TKT: variants seen among roughly 807,000 people sequenced by gnomAD.
The protein encoded by TKT is epididymis luminal protein 107.
TKT carries 47 observed loss-of-function variants against 63.9 expected under a neutral mutation model. The observed-to-expected ratio is 0.74, with a 90% CI of 0.58 to 0.94. The LOEUF (loss-of-function observed/expected upper bound fraction) is 0.94, where lower values mean the gene tolerates loss of function less well. Among genes scored for constraint, TKT ranks in the 40% least tolerant of loss-of-function variants. The pLI, the probability that TKT is intolerant of heterozygous loss-of-function variation, is 0.00. For synonymous variants in TKT, 338 were observed against 334.1 expected, an observed-to-expected ratio of 1.01 and a Z score of -0.13; for missense variants, 721 against 846.2, an observed-to-expected ratio of 0.85 and a Z score of 1.84.
At chr3:53,241,024 C>T (rs1705247208) in intron 3 of TKT, 108 bp downstream of exon 3, 1 of 929,346 alleles carries the variant, frequency 1.1e-6, no homozygotes, top group Non-Finnish European at 1.6e-6. Flanking sequence ...CCTCCTCCGC[C>T]TTTCAACACC....
chr3:53,248,748 A>C (rs933972381), intron 1 of TKT, among the ~76,000 whole-genome samples: 3 of 152,176 alleles, frequency 2.0e-5, no homozygotes, highest in Admixed American at 6.5e-5. Context: ...CATTTATATG[A>C]AATGTCTAGA....
intron 1 of TKT, among the ~76,000 whole-genome samples, chr3:53,253,987 T>G (rs571680566): frequency 6.6e-6 from 1 of 152,262 alleles, no homozygotes; most frequent in African/African-American, 2.4e-5. Flanking sequence ...CTTAACACAC[T>G]AGCCTCAGTG....
intron 8 of TKT, 33 bp from the exon 9 acceptor site, chr3:53,229,469 G>T (rs1453229916): frequency 5.7e-6 from 9 of 1,582,184 alleles, no homozygotes; most frequent in Non-Finnish European, 6.9e-6. Flanking sequence ...CAGCCCAAAG[G>T]GGCAGGCAGA....
chr3:53,226,757 T>G lies in TKT; in HGVS notation c.1695A>C (p.Glu565Asp). The G allele has an allele frequency of 6.2e-7, 1 of 1,614,126 alleles. No individual in the cohort carries two copies. Among genetic ancestry groups the G allele is most frequent in the Non-Finnish European group, 8.5e-7 (1 of 1,180,012 alleles). Residue 565 changes from glutamate (E) to aspartate (D), a missense_variant and splice_region_variant, in exon 13 of 14, where the codon GAA becomes GAC. By Grantham distance (45) the Glu-to-Asp change is conservative (BLOSUM62 2). Transcript: ENST00000462138. ...CCTGCCTGCCCCAGGCCTCCTTACC[T>G]TCATAATAATGGTCCTCCACGGTGA... is the stretch of plus-strand genomic sequence containing the variant. The part of the protein sequence containing the change: ...RILTVEDHYY[E>D]GGIGEAVSSA...
At chr3:53,252,185 A>G (rs1705779636) in intron 1 of TKT, among the ~76,000 whole-genome samples, 1 of 152,220 alleles carries the variant, frequency 6.6e-6, no homozygotes, top group Non-Finnish European at 1.5e-5. Flanking sequence ...TCCCCCAGAA[A>G]AGGGGACATT....
At position 53,230,477 on chromosome 3, in the gene TKT, A is replaced by G. The variant is rs782542644; in HGVS notation, c.1087T>C (p.Tyr363His). Reference protein sequence around the residue: ...KEHPDRFIECYIAEQNMVSIA... With the variant: ...KEHPDRFIECHIAEQNMVSIA... ...CCTACCATGTTCTGCTCAGCAATGTAGCACTCGATGAAGCGGTCCGGGTGC... is the reference window on the plus strand; with the variant it reads ...CCTACCATGTTCTGCTCAGCAATGTGGCACTCGATGAAGCGGTCCGGGTGC... The change falls in exon 8 of 14, where the codon TAC becomes CAC. Residue 363 changes from tyrosine to histidine, a missense_variant. Tyr to His is a moderately conservative substitution (Grantham distance 83). Coordinates refer to ENST00000462138, the MANE Select transcript of TKT (RefSeq NM_001064.4). The G allele has an allele frequency of 6.2e-7, 1 of 1,614,198 alleles. No individual in the cohort carries two copies. Among genetic ancestry groups the G allele is most frequent in the East Asian group, 2.2e-5 (1 of 44,882 alleles).
In TKT at chr3:53,225,791, C is replaced by T. The variant is rs1553675323; in HGVS notation, c.1837G>A (p.Ala613Thr). 1.2e-6 allele frequency: 2 copies of T among 1,613,930 alleles called. No homozygotes were observed. The highest frequency in any genetic ancestry group is 8.5e-7 in the Non-Finnish European group (1 of 1,179,858). The change falls in exon 14 of 14, where the codon GCA becomes ACA. Residue 613 changes from alanine to threonine, a missense_variant. Transcript: ENST00000462138. ...KMFGIDRDAIAQAVRGLITKA is the reference protein window; with the variant it reads ...KMFGIDRDAITQAVRGLITKA ...GTGATGAGGCCCCTCACAGCTTGTGCAATGGCATCCCTGTCGATACCAAAC... is the reference window on the plus strand; with the variant it reads ...GTGATGAGGCCCCTCACAGCTTGTGTAATGGCATCCCTGTCGATACCAAAC...
intron 4 of TKT, among the ~76,000 whole-genome samples, chr3:53,235,796 A>C (rs936941706): frequency 2.6e-5 from 4 of 152,218 alleles, no homozygotes; most frequent in Admixed American, 2.6e-4. Context: ...TCTTGACCCC[A>C]AGACTGAAGC....
rs1333415625 is a variant in TKT, at chr3:53,225,864, T to A, written c.1764A>T (p.Ala588=). Residue 588 remains alanine, a synonymous_variant, in exon 14 of 14, where the codon GCA becomes GCT. Coordinates refer to ENST00000462138, the MANE Select transcript of TKT (RefSeq NM_001064.4). ...TCCCACTTCTTGGTACCCGGTTAAC[T>A]GCCAGGTGGGTGACAGTGATGCCAG... The part of the protein sequence containing the change: ...GEPGITVTHL[A]VNRVPRSGKP... 1.2e-6 allele frequency: 2 copies of A among 1,613,996 alleles called. No homozygotes were observed. Among genetic ancestry groups the A allele is most frequent in the East Asian group, 2.2e-5 (1 of 44,882 alleles).
chr3:53,228,227 G>A lies in TKT; in HGVS notation c.1479+49C>T, dbSNP rs75480010. On this transcript the variant is annotated intron_variant, in intron 11 of 13. Transcript: ENST00000462138. ...CCCTGACTGCTGGGAGTCACAGCAG[G>A]GAGGGTCCAGGCAGCTCTGTGGGCT... is the stretch of plus-strand genomic sequence containing the variant. The A allele has an allele frequency of 1.5e-3, 2,365 of 1,612,826 alleles. 3 individuals are homozygous for A. The highest frequency in any genetic ancestry group is 1.9e-3 in the Admixed American group (115 of 60,016).
intron 5 of TKT, 176 bp from the exon 6 acceptor site, chr3:53,233,450 T>A (rs996107380): frequency 1.8e-5 from 9 of 511,756 alleles, no homozygotes; most frequent in African/African-American, 5.9e-5. Flanking sequence ...TTGGGTTTTT[T>A]AAATCCTTTT....
intron 6 of TKT, 44 bp downstream of exon 6, chr3:53,233,112 T>G: frequency 6.4e-7 from 1 of 1,554,384 alleles, no homozygotes; most frequent in Non-Finnish European, 8.8e-7. Context: ...CCACAGTGTC[T>G]GGGCGAGGGG....
intron 1 of TKT, among the ~76,000 whole-genome samples, chr3:53,254,092 A>G (rs1329988822): frequency 1.3e-5 from 2 of 152,216 alleles, no homozygotes; most frequent in Admixed American, 6.5e-5. Flanking sequence ...CCAGATACCT[A>G]CTTGGCAGCT....
intron 4 of TKT, among the ~76,000 whole-genome samples, chr3:53,236,431 C>A (rs1235820925): frequency 2.0e-5 from 3 of 152,230 alleles, no homozygotes; most frequent in African/African-American, 7.2e-5. Flanking sequence ...GTGGCCTCCA[C>A]CACAGGAGGT....
intron 2 of TKT, 88 bp from the exon 3 acceptor site, chr3:53,241,333 G>C: frequency 9.0e-7 from 1 of 1,114,696 alleles, no homozygotes; most frequent in Non-Finnish European, 1.2e-6. Context: ...CCTGGGGCCC[G>C]GCCGAGCCGG....
At chr3:53,243,309 G>A (rs1705364209) in intron 1 of TKT, among the ~76,000 whole-genome samples, 1 of 152,056 alleles carries the variant, frequency 6.6e-6, no homozygotes, top group Admixed American at 6.5e-5. Context: ...GGCCTCCCGG[G>A]AGGGCCCCTC....
chr3:53,227,929 G>T, intron 12 of TKT, 127 bp downstream of exon 12: 5 of 785,128 alleles, frequency 6.4e-6, no homozygotes, highest in Non-Finnish European at 1.0e-5. Context: ...ATTATTTAAT[G>T]AAATGAAATG....
intron 7 of TKT, among the ~76,000 whole-genome samples, chr3:53,230,879 G>A (rs1553676859): frequency 2.6e-5 from 4 of 152,188 alleles, no homozygotes; most frequent in Non-Finnish European, 2.9e-5. Context: ...CCAACTTCCC[G>A]CCTGCTGCAC....
Position 53,230,538 on chromosome 3 carries a change from G to A in TKT, c.1026C>T (p.Thr342=), listed in dbSNP as rs782123757. 15 of 1,614,094 alleles carry A rather than the reference G, an allele frequency of 9.3e-6. No individual in the cohort carries two copies. Among genetic ancestry groups the A allele is most frequent in the African/African-American group, 2.7e-5 (2 of 74,940 alleles). The change falls in exon 8 of 14, where the codon ACC becomes ACT. Residue 342 remains threonine, a synonymous_variant. Coordinates refer to ENST00000462138, the MANE Select transcript of TKT (RefSeq NM_001064.4). ...SDRIIALDGD[T]KNSTFSEIFK... ...AGATCTCCGAGAAGGTGGAATTTTTGGTGTCCCCATCCAGGGCGATGATGC... is the reference window on the plus strand; with the variant it reads ...AGATCTCCGAGAAGGTGGAATTTTTAGTGTCCCCATCCAGGGCGATGATGC...
Sources: allele counts gnomAD v4.1 joint callset (sites outside exome capture counted in the v4.1 genomes callset), GRCh38; gene constraint gnomAD v4.1.1; transcripts MANE v1.5; gene names NCBI Gene and HGNC (gene_info 2026-07-23, HGNC 2026-07-21).